The following UMAD1 variants were observed in gnomAD, a reference collection of about 807,000 sequenced individuals.
UMAD1 encodes UBAP1-MVB12-associated (UMA)-domain containing protein 1.
UMAD1 carries 8 observed loss-of-function variants against 6.1 expected under a neutral mutation model. That is an observed-to-expected ratio of 1.30 (90% CI 0.76 to 2.35). The LOEUF (loss-of-function observed/expected upper bound fraction) is 2.35. Among genes scored for constraint, UMAD1 ranks in the 30% most tolerant of loss-of-function variants. The probability of loss-of-function intolerance (pLI) is 0.00; values close to 1 mark genes in which losing one functional copy is unlikely to be tolerated. For synonymous variants in UMAD1, 56 were observed against 31.4 expected, an observed-to-expected ratio of 1.78 and a Z score of -2.61; for missense variants, 130 against 78.4, an observed-to-expected ratio of 1.66 and a Z score of -2.49.
chr7:7,851,336 T>C (rs950039505), intron 3 of UMAD1, among the ~76,000 whole-genome samples: 1 of 152,216 alleles, frequency 6.6e-6, no homozygotes, highest in Non-Finnish European at 1.5e-5. Flanking sequence ...GTTTTCACCT[T>C]TTGACTATTG....
intron 3 of UMAD1, among the ~76,000 whole-genome samples, chr7:7,804,293 T>C (rs1399380275): frequency 6.6e-6 from 1 of 152,246 alleles, no homozygotes; most frequent in African/African-American, 2.4e-5. Flanking sequence ...CTAGAGGCTA[T>C]ATATGTTTTG....
chr7:7,654,965 T>G, intron 1 of UMAD1, among the ~76,000 whole-genome samples: 1 of 152,158 alleles, frequency 6.6e-6, no homozygotes, highest in Non-Finnish European at 1.5e-5. Context: ...TTTTTGACTA[T>G]TTTTGCTTCA....
At chr7:7,842,330 T>A (rs1209835278) in intron 3 of UMAD1, among the ~76,000 whole-genome samples, 2 of 152,136 alleles carry the variant, frequency 1.3e-5, no homozygotes, top group Non-Finnish European at 2.9e-5. Flanking sequence ...ACATAATGGT[T>A]TTTATCATCG....
At chr7:7,640,850 C>T (rs1314734139) in intron 1 of UMAD1, 29 bp downstream of exon 1, 4 of 191,564 alleles carry the variant, frequency 2.1e-5, no homozygotes, top group Non-Finnish European at 4.4e-5. Flanking sequence ...GGCGCCGCAA[C>T]CTTACTGTTT....
At position 7,806,829 on chromosome 7, in the gene UMAD1, T is replaced by C. The variant is rs1341718638; in HGVS notation, c.156+5086T>C. Among the ~76,000 whole-genome samples the C allele has an allele frequency of 2.0e-5, 3 of 152,192 alleles. No homozygotes were observed. In the East Asian group the frequency reaches 5.8e-4, roughly 29 times the overall value. ...ATTTTAATTTTTAATGACTAAGCAATGTTGAAATATTCTCTATAACGAGAA... is the reference window on the plus strand; with the variant it reads ...ATTTTAATTTTTAATGACTAAGCAACGTTGAAATATTCTCTATAACGAGAA... On this transcript the variant is annotated intron_variant, in intron 3 of 3. Coordinates refer to ENST00000682710, the MANE Select transcript of UMAD1 (RefSeq NM_001302348.2).
intron 1 of UMAD1, among the ~76,000 whole-genome samples, chr7:7,659,227 T>G (rs1460845011): frequency 6.6e-6 from 1 of 152,080 alleles, no homozygotes; most frequent in Non-Finnish European, 1.5e-5. Flanking sequence ...AGCAGTCTTT[T>G]TATTTTGTTG....
intron 3 of UMAD1, among the ~76,000 whole-genome samples, chr7:7,860,774 CA>C (rs369023624): frequency 0.035 from 1,901 of 54,234 alleles, 81 homozygotes; most frequent in East Asian, 0.16. Context: ...GACTCCATCT[CA>C]AAAAAAAAAA....
At chr7:7,750,241 C>T (rs1477154881) in intron 2 of UMAD1, among the ~76,000 whole-genome samples, 7 of 152,104 alleles carry the variant, frequency 4.6e-5, no homozygotes, top group East Asian at 1.9e-4. Flanking sequence ...AATCTGGAAA[C>T]GGAGTTTCCA....
intron 2 of UMAD1, among the ~76,000 whole-genome samples, chr7:7,797,416 A>T (rs140040291): frequency 6.6e-6 from 1 of 152,148 alleles, no homozygotes; most frequent in African/African-American, 2.4e-5. Context: ...TGAACCTATT[A>T]TGGTTACATT....
At chr7:7,670,957 A>T (rs1779590828) in intron 1 of UMAD1, among the ~76,000 whole-genome samples, 1 of 152,090 alleles carries the variant, frequency 6.6e-6, no homozygotes, top group South Asian at 2.1e-4. Context: ...CTTCCATGCC[A>T]TTGGCTTCAC....
At chr7:7,855,254 C>T (rs1428301819) in intron 3 of UMAD1, among the ~76,000 whole-genome samples, 1 of 152,202 alleles carries the variant, frequency 6.6e-6, no homozygotes, top group African/African-American at 2.4e-5. Context: ...TAGACAGTGC[C>T]CCAGTGTGGA....
At chr7:7,646,480 ATTTTTTTTT>A (rs35948027) in intron 1 of UMAD1, among the ~76,000 whole-genome samples, 9 of 111,360 alleles carry the variant, frequency 8.1e-5, no homozygotes, top group African/African-American at 1.1e-4. Flanking sequence ...CTTTCGCTGG[ATTTTTTTTT>A]TTTTTTTTTT....
chr7:7,643,294 G>A (rs888022515), intron 1 of UMAD1, among the ~76,000 whole-genome samples: 2 of 152,178 alleles, frequency 1.3e-5, no homozygotes, highest in Non-Finnish European at 2.9e-5. Flanking sequence ...AAAAAGGAAG[G>A]AAGCCTCAGA....
intron 2 of UMAD1, among the ~76,000 whole-genome samples, chr7:7,677,697 G>T (rs1291818062): frequency 2.5e-5 from 3 of 119,534 alleles, no homozygotes; most frequent in Admixed American, 9.7e-5. Flanking sequence ...TTTTTGAGAC[G>T]GAGTCTCGCT....
At chr7:7,815,836 T>C (rs929174747) in intron 3 of UMAD1, among the ~76,000 whole-genome samples, 2 of 152,038 alleles carry the variant, frequency 1.3e-5, no homozygotes, top group African/African-American at 4.8e-5. Context: ...AGGATGAATA[T>C]TGGGTAGGCT....
At chr7:7,857,501 G>T (rs541278627) in intron 3 of UMAD1, among the ~76,000 whole-genome samples, 1 of 152,344 alleles carries the variant, frequency 6.6e-6, no homozygotes, top group South Asian at 2.1e-4. Context: ...AATGCAGTCA[G>T]TCCCTGTTAC....
intron 2 of UMAD1, chr7:7,738,519 T>C (rs942113708): frequency 2.6e-5 from 4 of 152,230 alleles, no homozygotes; most frequent in African/African-American, 4.8e-5. Flanking sequence ...GTAAAAGAAA[T>C]CTTCCACTAA....
chr7:7,874,276 TA>T (rs1300253931), intron 3 of UMAD1, among the ~76,000 whole-genome samples: 9 of 152,216 alleles, frequency 5.9e-5, no homozygotes, highest in African/African-American at 1.9e-4. Flanking sequence ...ACTTCATAAG[TA>T]ATCTGTCATT....
intron 2 of UMAD1, chr7:7,740,952 G>A (rs1781450698): frequency 1.3e-5 from 2 of 152,280 alleles, no homozygotes; most frequent in South Asian, 4.1e-4. Context: ...ATTCATGTCT[G>A]CCCTTTGTGG....
Sources: gnomAD v4.1 joint callset for allele counts (sites outside exome capture counted in the v4.1 genomes callset) on GRCh38, gnomAD v4.1.1 for gene constraint, MANE v1.5 for transcripts, NCBI Gene and HGNC (gene_info 2026-07-23, HGNC 2026-07-21) for gene names.